Variants in SLC26A6 observed in about 807,000 individuals in gnomAD.
The protein encoded by SLC26A6 is anion exchange transporter.
In SLC26A6, 67 loss-of-function variants were observed where a neutral mutation model predicts 87.1. The observed-to-expected ratio is 0.77, with a 90% confidence interval of 0.63 to 0.94. The LOEUF (loss-of-function observed/expected upper bound fraction) is 0.94. SLC26A6 is among the 40% of genes least tolerant of loss of function. The probability of loss-of-function intolerance (pLI) is 0.00; values close to 1 mark genes in which losing one functional copy is unlikely to be tolerated. For missense variants in SLC26A6, 902 were observed against 973.0 expected (o/e 0.93, Z 0.97); for synonymous variants, 414 against 405.9 (o/e 1.02, Z -0.24).
chr3:48,627,925 C>G, intron 17 of SLC26A6, 21 bp downstream of exon 17: 3 of 1,579,906 alleles, frequency 1.9e-6, no homozygotes, highest in East Asian at 2.3e-5. Context: ...CTGTCACCTC[C>G]TTTCCCACCT....
chr3:48,629,599 C>G, intron 14 of SLC26A6, 43 bp downstream of exon 14: 1 of 1,554,708 alleles, frequency 6.4e-7, no homozygotes, highest in Non-Finnish European at 8.7e-7. Flanking sequence ...ATTCTTCCTC[C>G]GTCTCCCCAT....
rs1332351486 is a variant in SLC26A6, at chr3:48,630,614, T to G, written c.1241A>C (p.Asn414Thr). Reference sequence around the variant, plus strand: ...CCCACACCCAAAGCCCACCTGCGAGTTGCCCCCGGTGCTCTCCTGTACCAG... The same window carrying G: ...CCCACACCCAAAGCCCACCTGCGAGGTGCCCCCGGTGCTCTCCTGTACCAG... ...RSLVQESTGG[N>T]SQVAGAISSL... The change falls in exon 10 of 21, where the codon AAC becomes ACC. Residue 414 changes from asparagine to threonine, a missense_variant. By Grantham distance (65) the Asn-to-Thr change is moderately conservative. This residue lies in a region of SLC26A6 where 800 missense variants were observed against 856.8 expected (regional missense o/e 0.93). Transcript: ENST00000395550. 2 of 1,579,182 alleles carry G rather than the reference T, an allele frequency of 1.3e-6. No individual in the cohort carries two copies. Among genetic ancestry groups the G allele is most frequent in the South Asian group, 2.3e-5 (2 of 86,884 alleles).
At position 48,631,866 on chromosome 3, in the gene SLC26A6, CT is replaced by C. The variant is rs1284711704; in HGVS notation, c.750+13del. 3 of 1,613,434 alleles carry C rather than the reference CT, an allele frequency of 1.9e-6. No individual in the cohort carries two copies. Among genetic ancestry groups the C allele is most frequent in the Non-Finnish European group, 1.7e-6 (2 of 1,179,984 alleles). On this transcript the variant is annotated intron_variant, in intron 6 of 20. Transcript: ENST00000395550. Reference sequence around the variant, plus strand: ...GGGGCACACCTACCCCTCCCTCCCCCTACCCTCACTCACATAGATGAGGGAC... The same window carrying C: ...GGGGCACACCTACCCCTCCCTCCCCCACCCTCACTCACATAGATGAGGGAC...
chr3:48,630,976 T>A lies in SLC26A6; in HGVS notation c.1134+17A>T. The A allele has an allele frequency of 6.2e-7, 1 of 1,613,356 alleles. No homozygotes were observed. Among genetic ancestry groups the A allele is most frequent in the Non-Finnish European group, 8.5e-7 (1 of 1,179,774 alleles). Reference sequence around the variant, plus strand: ...CATACACTTGGATGCCTCCTACACATCCCGCATCACCCAGACCTGGTTGCT... The same window carrying A: ...CATACACTTGGATGCCTCCTACACAACCCGCATCACCCAGACCTGGTTGCT... On this transcript the variant is annotated intron_variant, in intron 9 of 20. Coordinates refer to ENST00000395550, the MANE Select transcript of SLC26A6 (RefSeq NM_022911.3).
intron 9 of SLC26A6, 79 bp downstream of exon 9, chr3:48,630,914 T>C: frequency 6.3e-7 from 1 of 1,581,458 alleles, no homozygotes; most frequent in East Asian, 2.2e-5. Context: ...TCTCCCTGTG[T>C]CCCACCGGTT....
chr3:48,630,694 G>A lies in SLC26A6; in HGVS notation c.1161C>T (p.Asn387=), dbSNP rs1353826865. 3 of 1,602,544 alleles carry A rather than the reference G, an allele frequency of 1.9e-6. No individual in the cohort carries two copies. Among genetic ancestry groups the A allele is most frequent in the Non-Finnish European group, 2.6e-6 (3 of 1,173,772 alleles). Residue 387 remains asparagine (N), a synonymous_variant, in exon 10 of 21, where the codon AAC becomes AAT. Coordinates refer to ENST00000395550, the MANE Select transcript of SLC26A6 (RefSeq NM_022911.3). ...AGCACTGGAAGATGCCTCCGATAAG[G>A]TTACTGAGGCCCAGGGCCACCAGCT... ...NQELVALGLS[N]LIGGIFQCFP...
intron 4 of SLC26A6, 26 bp from the exon 5 acceptor site, chr3:48,632,422 T>C (rs1438948459): frequency 6.3e-7 from 1 of 1,593,326 alleles, no homozygotes; most frequent in South Asian, 1.1e-5. Flanking sequence ...GGGGCAGGTC[T>C]GAAGAGGAGA....
At chr3:48,627,084 A>G (rs1212860709) in intron 17 of SLC26A6, 29 bp from the exon 18 acceptor site, 1 of 1,602,790 alleles carries the variant, frequency 6.2e-7, no homozygotes, top group Non-Finnish European at 8.5e-7. Context: ...TGCCAGGGCC[A>G]CCCATGAGAG....
At position 48,625,971 on chromosome 3, in the gene SLC26A6, C is replaced by T; in HGVS notation, c.*15G>A. On this transcript the variant is annotated 3_prime_UTR_variant, in exon 21 of 21. Coordinates refer to ENST00000395550, the MANE Select transcript of SLC26A6 (RefSeq NM_022911.3). The surrounding 1 kb of genome is among the most constrained non-coding windows in gnomAD (Gnocchi z 4.7). ...GCACCTCCAGAGGTGCAGTCTTGGG[C>T]AGGATGTAGCATGTTCAGAGTCTGG... The T allele has an allele frequency of 6.2e-7, 1 of 1,613,812 alleles. No individual in the cohort carries two copies. Among genetic ancestry groups the T allele is most frequent in the Non-Finnish European group, 8.5e-7 (1 of 1,179,964 alleles).
chr3:48,632,416 C>G lies in SLC26A6; in HGVS notation c.434-20G>C. On this transcript the variant is annotated intron_variant, in intron 4 of 20. Coordinates refer to ENST00000395550, the MANE Select transcript of SLC26A6 (RefSeq NM_022911.3). ...AGGTCCCTGTAAGGACGGCACGGGG[C>G]AGGTCTGAAGAGGAGAGGACACTGC... The G allele has an allele frequency of 1.3e-6, 2 of 1,596,096 alleles. No individual in the cohort carries two copies. The highest frequency in any genetic ancestry group is 1.1e-5 in the South Asian group (1 of 88,486).
chr3:48,630,426 G>A lies in SLC26A6; in HGVS notation c.1326+12C>T, dbSNP rs1481394285. On this transcript the variant is annotated intron_variant, in intron 11 of 20. Transcript: ENST00000395550. Reference sequence around the variant, plus strand: ...TGGCCAAGACCTGAAACCTGGCTGGGTGGGGGCTCACCTTGGGCAGGTCAT... The same window carrying A: ...TGGCCAAGACCTGAAACCTGGCTGGATGGGGGCTCACCTTGGGCAGGTCAT... 5 of 1,553,794 alleles carry A rather than the reference G, an allele frequency of 3.2e-6. No individual in the cohort carries two copies. Among genetic ancestry groups the A allele is most frequent in the Admixed American group, 2.0e-5 (1 of 51,280 alleles).
Position 48,633,368 on chromosome 3 carries a change from C to A in SLC26A6, c.205G>T (p.Ala69Ser), listed in dbSNP as rs753224485. 5.0e-6 allele frequency: 8 copies of A among 1,613,452 alleles called. No individual in the cohort carries two copies. In the Admixed American group the frequency reaches 1.3e-4, roughly 27 times the overall value. ...ACCGGGAGGTGTTGGAGCAGAAGGG[C>A]ATAGGCCCGAGCACGGGAGCACCTA... ...WLQCSRARAY[A>S]LLLQHLPVLV... The change falls in exon 3 of 21, where the codon GCC becomes TCC. Residue 69 changes from alanine to serine, a missense_variant. Around this residue, in one of 3 missense-constraint regions of SLC26A6, gnomAD observed 800 missense variants for 856.8 expected, o/e 0.93. Transcript: ENST00000395550.
chr3:48,628,784 T>TA lies in SLC26A6; in HGVS notation c.1600-71_1600-70insT. ...TGGCTGCATCCTGTTCTCCTGCCTT[T>TA]CCTTCCCTAGTGTGCCCAGTGCCTG... is the stretch of plus-strand genomic sequence containing the variant. On this transcript the variant is annotated intron_variant, in intron 14 of 20. Transcript: ENST00000395550. The surrounding 1 kb of genome is among the most constrained non-coding windows in gnomAD (Gnocchi z 4.4). The TA allele has an allele frequency of 6.5e-7, 1 of 1,548,636 alleles. No homozygotes were observed. Among genetic ancestry groups the TA allele is most frequent in the East Asian group, 2.4e-5 (1 of 41,994 alleles).
Position 48,626,295 on chromosome 3 carries a change from G to A in SLC26A6, c.2188C>T (p.His730Tyr). ...HFFDASITKK[H>Y]LFASVHDAVT... ...GCATCATGGACAGAGGCAAAGAGAT[G>A]CTTCTTGGTGATGGATGCATCGAAG... The change falls in exon 20 of 21, where the codon CAT becomes TAT. Residue 730 changes from histidine to tyrosine, a missense_variant. Physicochemically the swap from His to Tyr is moderately conservative, Grantham distance 83. Around this residue, in one of 3 missense-constraint regions of SLC26A6, gnomAD observed 99 missense variants for 100.1 expected, o/e 0.99. Transcript: ENST00000395550. 6.2e-7 allele frequency: 1 copy of A among 1,614,086 alleles called. No individual in the cohort carries two copies. Among genetic ancestry groups the A allele is most frequent in the Non-Finnish European group, 8.5e-7 (1 of 1,180,032 alleles).
At chr3:48,635,270 G>A in intron 1 of SLC26A6, 101 bp downstream of exon 1, 2 of 1,201,474 alleles carry the variant, frequency 1.7e-6, no homozygotes, top group Non-Finnish European at 2.2e-6. Flanking sequence ...CCGAGGCGTC[G>A]CAAGCGGAGA....
Position 48,633,462 on chromosome 3 carries a change from C to A in SLC26A6, c.182+15G>T. ...GGGCCCCGCCAGCGCCCCCAGGCCC[C>A]AATCTTGGCCTTACTGCAACCAGGT... On this transcript the variant is annotated intron_variant, in intron 2 of 20. Transcript: ENST00000395550. 1 of 1,612,588 alleles carries A rather than the reference C, an allele frequency of 6.2e-7. No homozygotes were observed. Among genetic ancestry groups the A allele is most frequent in the Admixed American group, 1.7e-5 (1 of 60,004 alleles).
rs749849462 is a variant in SLC26A6 at position 48,635,436 on chromosome 3, C to G, written c.-43G>C. The G allele has an allele frequency of 1.9e-6, 3 of 1,558,008 alleles. No individual in the cohort carries two copies. The East Asian group carries it at 7.2e-5, about 38-fold the overall frequency. Reference sequence around the variant, plus strand: ...GTGCGGGCTGCTCCTGCTGCTCGAGCTAGAGGCCGCTACGCTCCGGAAGGC... The same window carrying G: ...GTGCGGGCTGCTCCTGCTGCTCGAGGTAGAGGCCGCTACGCTCCGGAAGGC... On this transcript the variant is annotated 5_prime_UTR_variant, in exon 1 of 21. Coordinates refer to ENST00000395550, the MANE Select transcript of SLC26A6 (RefSeq NM_022911.3).
chr3:48,628,431 T>G lies in SLC26A6; in HGVS notation c.1800+3A>C. On this transcript the variant is annotated splice_donor_region_variant and intron_variant, in intron 16 of 20. Transcript: ENST00000395550. The surrounding 1 kb of genome is among the most constrained non-coding windows in gnomAD (Gnocchi z 4.4). ...GGGGGTCACCAGACAAAAGGGGCCCTGCCTGTTTCCGAAGCTTCTCCTCTT... is the reference window on the plus strand; with the variant it reads ...GGGGGTCACCAGACAAAAGGGGCCCGGCCTGTTTCCGAAGCTTCTCCTCTT... 1 of 1,613,868 alleles carries G rather than the reference T, an allele frequency of 6.2e-7. No individual in the cohort carries two copies. Among genetic ancestry groups the G allele is most frequent in the Non-Finnish European group, 8.5e-7 (1 of 1,179,956 alleles).
In SLC26A6 at chr3:48,626,423, G is replaced by A. The variant is rs1042000995; in HGVS notation, c.2129-69C>T. 32 of 1,606,984 alleles carry A rather than the reference G, an allele frequency of 2.0e-5. 1 individual carries two copies. The highest frequency in any genetic ancestry group is 2.6e-6 in the Non-Finnish European group (3 of 1,176,096). ...GGAACTCAACTCCCGGGAGCCAACA[G>A]AATGCCCTGACCTCATCACCCCTGA... On this transcript the variant is annotated intron_variant, in intron 19 of 20. Coordinates refer to ENST00000395550, the MANE Select transcript of SLC26A6 (RefSeq NM_022911.3).
Sources: gnomAD v4.1 joint callset for allele counts on GRCh38, gnomAD v4.1.1 for gene constraint, gnomAD v4.1.1 regional missense constraint, Gnocchi (gnomAD v3.1) non-coding constraint, MANE v1.5 for transcripts, NCBI Gene and HGNC (gene_info 2026-07-23, HGNC 2026-07-21) for gene names.